The following ATXN7L1 variants were observed in gnomAD, a reference collection of about 807,000 sequenced individuals.
ATXN7L1 encodes the protein ataxin-7-like protein 1.
In ATXN7L1, 15 loss-of-function variants were observed where a neutral mutation model predicts 70.8. That is an observed-to-expected ratio of 0.21 (90% CI 0.14 to 0.33). The LOEUF (loss-of-function observed/expected upper bound fraction) is 0.33, where lower values mean the gene tolerates loss of function less well. Ranked by LOEUF, ATXN7L1 falls within the 10% of genes least tolerant of loss-of-function variation. ATXN7L1 has a pLI of 1.00. For missense variants in ATXN7L1, 975 were observed against 1,097.1 expected, an observed-to-expected ratio of 0.89 and a Z score of 1.57; for synonymous variants, 440 against 445.1, an observed-to-expected ratio of 0.99 and a Z score of 0.14.
intron 2 of ATXN7L1, chr7:105,819,830 T>A: frequency 1.6e-6 from 1 of 627,176 alleles, no homozygotes; most frequent in East Asian, 3.9e-5. Flanking sequence ...CCCTATGACA[T>A]GAAAAAGCGG....
intron 2 of ATXN7L1, among the ~76,000 whole-genome samples, chr7:105,807,779 C>T (rs760802379): frequency 1.3e-5 from 2 of 152,242 alleles, no homozygotes; most frequent in Admixed American, 6.5e-5. Context: ...AGCCTCCCAA[C>T]CACCAGACAG....
At position 105,669,318 on chromosome 7, in the gene ATXN7L1, G is replaced by A. The variant is rs150299076; in HGVS notation, c.356-4030C>T. 4.0e-3 allele frequency among the ~76,000 whole-genome samples: 604 copies of A among 152,154 alleles called. 1 individual carries two copies. The highest frequency in any genetic ancestry group is 6.7e-3 in the Admixed American group (102 of 15,260). On this transcript the variant is annotated intron_variant, in intron 3 of 11. Transcript: ENST00000419735. ...GCTGGTTTCAAACTCCCGACCTCAA[G>A]TGATCCGCCTGCTGGGATTACAGGT...
chr7:105,869,126 T>C (rs561988748), intron 2 of ATXN7L1, among the ~76,000 whole-genome samples: 2 of 152,200 alleles, frequency 1.3e-5, no homozygotes, highest in Non-Finnish European at 2.9e-5. Context: ...TCCAAGCCCT[T>C]CCCTTCTCCG....
intron 4 of ATXN7L1, among the ~76,000 whole-genome samples, chr7:105,647,336 T>C (rs1584499418): frequency 6.6e-6 from 1 of 152,160 alleles, no homozygotes; most frequent in East Asian, 1.9e-4. Flanking sequence ...TCCAGAGCAA[T>C]TGTACAAATG....
intron 2 of ATXN7L1, among the ~76,000 whole-genome samples, chr7:105,818,380 A>AT (rs1240568042): frequency 1.3e-5 from 2 of 152,174 alleles, no homozygotes; most frequent in Admixed American, 6.5e-5. Context: ...CATGCTGGCC[A>AT]GGGATCCTCA....
intron 3 of ATXN7L1, among the ~76,000 whole-genome samples, chr7:105,770,610 G>C (rs1801852194): frequency 6.6e-6 from 1 of 152,118 alleles, no homozygotes. Flanking sequence ...TGGGGGTGGA[G>C]GTGGAGGGAC....
chr7:105,642,543 T>G (rs1331849214), intron 5 of ATXN7L1, among the ~76,000 whole-genome samples: 1 of 152,222 alleles, frequency 6.6e-6, no homozygotes, highest in Non-Finnish European at 1.5e-5. Context: ...AATCACCTGC[T>G]CACAAGACCC....
At chr7:105,677,146 CA>C (rs1804803345) in intron 3 of ATXN7L1, among the ~76,000 whole-genome samples, 1 of 152,178 alleles carries the variant, frequency 6.6e-6, no homozygotes, top group Non-Finnish European at 1.5e-5. Context: ...ACAGCAGGGC[CA>C]GGGCCCCCAA....
intron 3 of ATXN7L1, among the ~76,000 whole-genome samples, chr7:105,745,679 G>C (rs1015693265): frequency 6.6e-6 from 1 of 152,160 alleles, no homozygotes; most frequent in Non-Finnish European, 1.5e-5. Flanking sequence ...AGGTGCAACC[G>C]ATCCCCTTGG....
At chr7:105,708,491 T>C (rs1385823929) in intron 3 of ATXN7L1, among the ~76,000 whole-genome samples, 1 of 152,210 alleles carries the variant, frequency 6.6e-6, no homozygotes, top group Non-Finnish European at 1.5e-5. Context: ...GAAATATTTT[T>C]GCCCCATTAA....
chr7:105,725,216 A>T (rs892619130), intron 3 of ATXN7L1, among the ~76,000 whole-genome samples: 1 of 152,156 alleles, frequency 6.6e-6, no homozygotes, highest in African/African-American at 2.4e-5. Context: ...AAGAGAGAAG[A>T]AAGAGAGAGT....
At chr7:105,714,542 T>G (rs1408872921) in intron 3 of ATXN7L1, among the ~76,000 whole-genome samples, 1 of 152,222 alleles carries the variant, frequency 6.6e-6, no homozygotes, top group Non-Finnish European at 1.5e-5. Context: ...TCAGAAGTTT[T>G]GAGATCCTGT....
chr7:105,704,737 A>C (rs1232002418), intron 3 of ATXN7L1, among the ~76,000 whole-genome samples: 1 of 151,526 alleles, frequency 6.6e-6, no homozygotes, highest in Non-Finnish European at 1.5e-5. Context: ...CAGCCTCCCA[A>C]GTAGCTGGGA....
At chr7:105,798,467 GCTAA>G (rs981111814) in intron 2 of ATXN7L1, among the ~76,000 whole-genome samples, 31 of 152,306 alleles carry the variant, frequency 2.0e-4, no homozygotes, top group African/African-American at 7.2e-4. Context: ...CATGCAGGGG[GCTAA>G]CTGAGGGCAC....
At chr7:105,798,474 G>A (rs1806320301) in intron 2 of ATXN7L1, among the ~76,000 whole-genome samples, 1 of 152,222 alleles carries the variant, frequency 6.6e-6, no homozygotes, top group Non-Finnish European at 1.5e-5. Flanking sequence ...GGGGCTAACT[G>A]AGGGCACATG....
At chr7:105,837,997 C>T (rs900358508) in intron 2 of ATXN7L1, among the ~76,000 whole-genome samples, 3 of 152,208 alleles carry the variant, frequency 2.0e-5, no homozygotes, top group Non-Finnish European at 2.9e-5. Flanking sequence ...TCTTCTCCCT[C>T]GGAAAATAGC....
At chr7:105,807,542 C>T (rs1807796083) in intron 2 of ATXN7L1, among the ~76,000 whole-genome samples, 4 of 152,208 alleles carry the variant, frequency 2.6e-5, no homozygotes. Flanking sequence ...CCTTGGGTTC[C>T]CCCTTTTCAC....
chr7:105,727,524 C>T (rs535846681), intron 3 of ATXN7L1, among the ~76,000 whole-genome samples: 8 of 151,248 alleles, frequency 5.3e-5, no homozygotes, highest in African/African-American at 1.7e-4. Flanking sequence ...CAAAATTTAG[C>T]CAGGCACGGT....
chr7:105,652,399 G>T (rs1355030375), intron 4 of ATXN7L1, among the ~76,000 whole-genome samples: 7 of 152,232 alleles, frequency 4.6e-5, no homozygotes, highest in Admixed American at 4.6e-4. Flanking sequence ...TGAGAACGTA[G>T]AGATTAGGAG....
Sources: allele counts gnomAD v4.1 joint callset (sites outside exome capture counted in the v4.1 genomes callset), GRCh38; gene constraint gnomAD v4.1.1; transcripts MANE v1.5; gene names NCBI Gene and HGNC (gene_info 2026-07-23, HGNC 2026-07-21).